Variants in ZNF407 observed in about 807,000 individuals in gnomAD.
ZNF407 encodes the protein zinc finger protein 407.
ZNF407 carries 17 observed loss-of-function variants against 131.2 expected under a neutral mutation model. The observed-to-expected ratio is 0.13, with a 90% confidence interval of 0.09 to 0.19. The LOEUF (loss-of-function observed/expected upper bound fraction) is 0.19. ZNF407 is among the 10% of genes least tolerant of loss of function. The pLI is 1.00. For synonymous variants in ZNF407, 1,156 were observed against 1,062.0 expected (o/e 1.09, Z -1.72); for missense variants, 2,681 against 2,830.6 (o/e 0.95, Z 1.20).
intron 3 of ZNF407, among the ~76,000 whole-genome samples, chr18:74,709,931 GA>G (rs1967716862): frequency 6.6e-6 from 1 of 152,052 alleles, no homozygotes; most frequent in Non-Finnish European, 1.5e-5. Flanking sequence ...ATATTACACT[GA>G]AATGTTACCA....
chr18:75,011,242 C>T (rs893281338), intron 8 of ZNF407, among the ~76,000 whole-genome samples: 1 of 152,130 alleles, frequency 6.6e-6, no homozygotes, highest in South Asian at 2.1e-4. Flanking sequence ...CAGATACCTG[C>T]AAATCACTGC....
chr18:74,789,452 T>C (rs1969783510), intron 4 of ZNF407, among the ~76,000 whole-genome samples: 1 of 152,170 alleles, frequency 6.6e-6, no homozygotes, highest in Admixed American at 6.5e-5. Flanking sequence ...GCGTATTTCA[T>C]TGGCGGAAGG....
chr18:74,745,855 G>A (rs1968656576), intron 3 of ZNF407, among the ~76,000 whole-genome samples: 1 of 152,162 alleles, frequency 6.6e-6, no homozygotes, highest in Non-Finnish European at 1.5e-5. Flanking sequence ...CATACGAGGA[G>A]TCTGTATTCA....
intron 7 of ZNF407, among the ~76,000 whole-genome samples, chr18:74,912,910 CA>C (rs1374019686): frequency 1.4e-4 from 22 of 152,094 alleles, no homozygotes; most frequent in African/African-American, 5.3e-4. Flanking sequence ...CAGTACATAA[CA>C]AAGAAAATAT....
At chr18:75,035,884 G>T (rs1007736061) in intron 8 of ZNF407, among the ~76,000 whole-genome samples, 10 of 152,250 alleles carry the variant, frequency 6.6e-5, no homozygotes, top group African/African-American at 1.7e-4. Context: ...GTGTCAAGAA[G>T]AATAATGTCT....
At chr18:74,723,670 G>A (rs896708766) in intron 3 of ZNF407, among the ~76,000 whole-genome samples, 2 of 152,108 alleles carry the variant, frequency 1.3e-5, no homozygotes, top group Admixed American at 6.5e-5. Flanking sequence ...TTGTGTTGGA[G>A]CAGTTACCCT....
intron 7 of ZNF407, among the ~76,000 whole-genome samples, chr18:74,919,401 G>T (rs943697979): frequency 1.3e-5 from 2 of 152,188 alleles, no homozygotes; most frequent in Non-Finnish European, 2.9e-5. Flanking sequence ...GAGCCTTCAA[G>T]ATTCTGCAGT....
chr18:74,890,833 G>T (rs1210408320), intron 7 of ZNF407, among the ~76,000 whole-genome samples: 7 of 152,168 alleles, frequency 4.6e-5, no homozygotes, highest in African/African-American at 1.7e-4. Flanking sequence ...CATCTCAGCC[G>T]TGGCGTAAAA....
At chr18:74,738,362 G>A (rs1207940594) in intron 3 of ZNF407, among the ~76,000 whole-genome samples, 3 of 137,612 alleles carry the variant, frequency 2.2e-5, no homozygotes, top group East Asian at 4.4e-4. Context: ...GGAGGCTGCA[G>A]TGAGCCAAGA....
chr18:74,920,925 A>G, intron 8 of ZNF407: 1 of 1,209,732 alleles, frequency 8.3e-7, no homozygotes. Flanking sequence ...TAATTATTTG[A>G]TGACTGTAAA....
chr18:74,928,226 T>C (rs1971938702), intron 8 of ZNF407, among the ~76,000 whole-genome samples: 1 of 152,182 alleles, frequency 6.6e-6, no homozygotes, highest in Non-Finnish European at 1.5e-5. Context: ...AGCAGGGAGT[T>C]AGAGAGCTCA....
intron 8 of ZNF407, among the ~76,000 whole-genome samples, chr18:74,997,877 A>AT (rs1972797868): frequency 1.3e-5 from 2 of 152,134 alleles, no homozygotes; most frequent in South Asian, 2.1e-4. Flanking sequence ...TCTTGAAGAC[A>AT]TTTTTTCTAC....
At chr18:75,058,485 C>CA (rs1306687605) in intron 8 of ZNF407, among the ~76,000 whole-genome samples, 3 of 152,068 alleles carry the variant, frequency 2.0e-5, no homozygotes, top group South Asian at 2.1e-4. Context: ...AAAACAGACC[C>CA]AAAAAAGAAT....
intron 8 of ZNF407, among the ~76,000 whole-genome samples, chr18:74,978,223 G>A (rs749387049): frequency 1.1e-4 from 16 of 152,188 alleles, no homozygotes; most frequent in Non-Finnish European, 2.2e-4. Flanking sequence ...CGAGAAAATA[G>A]CATTCCTTGC....
intron 4 of ZNF407, among the ~76,000 whole-genome samples, chr18:74,840,441 G>A (rs1970616337): frequency 6.6e-6 from 1 of 151,942 alleles, no homozygotes; most frequent in Admixed American, 6.6e-5. Context: ...TGTCTAATAG[G>A]CATCTCAAAT....
At chr18:74,721,025 G>A (rs1968022826) in intron 3 of ZNF407, among the ~76,000 whole-genome samples, 1 of 151,170 alleles carries the variant, frequency 6.6e-6, no homozygotes, top group Non-Finnish European at 1.5e-5. Context: ...TTCTATTTGG[G>A]TGAAGAATGT....
intron 7 of ZNF407, among the ~76,000 whole-genome samples, chr18:74,915,630 GTGTGTGTGCGTGCA>G (rs1452172263): frequency 1.5e-5 from 2 of 133,464 alleles, no homozygotes; most frequent in African/African-American, 5.8e-5. Context: ...GGGAGTGTGT[GTGTGTGTGCGTGCA>G]TGTGTGTGCT....
At chr18:74,807,948 G>C (rs1207318352) in intron 4 of ZNF407, among the ~76,000 whole-genome samples, 7 of 151,874 alleles carry the variant, frequency 4.6e-5, no homozygotes, top group Admixed American at 3.3e-4. Context: ...TGATCTCCTG[G>C]GCTCAAGCGA....
rs569103945 is a variant in ZNF407 at position 74,827,775 on chromosome 18, C to T, written c.4877+46273C>T. ...AGTAGACAAAGCTGCGAGGTTTGCA[C>T]ACATTTACATCTGTGTGTATTTCTA... On this transcript the variant is annotated intron_variant, in intron 4 of 8. Coordinates refer to ENST00000299687, the MANE Select transcript of ZNF407 (RefSeq NM_017757.3). Among the ~76,000 whole-genome samples the T allele has an allele frequency of 2.0e-5, 3 of 152,290 alleles. No individual in the cohort carries two copies. The East Asian group carries it at 5.8e-4, about 29-fold the overall frequency.
Sources: gnomAD v4.1 joint callset for allele counts (sites outside exome capture counted in the v4.1 genomes callset) on GRCh38, gnomAD v4.1.1 for gene constraint, MANE v1.5 for transcripts, NCBI Gene and HGNC (gene_info 2026-07-23, HGNC 2026-07-21) for gene names.